The following KIAA1217 variants were observed in gnomAD, a reference collection of about 807,000 sequenced individuals.
KIAA1217 encodes the protein KIAA1217, also known as sickle tail protein homolog.
In KIAA1217, 88 loss-of-function variants were observed where a neutral mutation model predicts 163.9. That is an observed-to-expected ratio of 0.54 (90% CI 0.45 to 0.64). The LOEUF is 0.64. KIAA1217 is among the 30% of genes least tolerant of loss of function. The probability of loss-of-function intolerance (pLI) is 0.00; values close to 1 mark genes in which losing one functional copy is unlikely to be tolerated. For synonymous variants in KIAA1217, 903 were observed against 923.1 expected (o/e 0.98, Z 0.39); for missense variants, 2,372 against 2,475.0 (o/e 0.96, Z 0.88).
At chr10:24,432,660 G>A (rs2059697518) in intron 3 of KIAA1217, among the ~76,000 whole-genome samples, 1 of 151,606 alleles carries the variant, frequency 6.6e-6, no homozygotes, top group African/African-American at 2.4e-5. Flanking sequence ...TTGCTACATT[G>A]CCCAGGTGGG....
intron 2 of KIAA1217, among the ~76,000 whole-genome samples, chr10:24,076,547 G>A (rs2061373165): frequency 6.6e-6 from 1 of 152,050 alleles, no homozygotes. Flanking sequence ...CCACTTCCAT[G>A]TGCACAGATT....
chr10:23,752,336 G>T (rs1379393434), intron 1 of KIAA1217, among the ~76,000 whole-genome samples: 1 of 152,062 alleles, frequency 6.6e-6, no homozygotes, highest in African/African-American at 2.4e-5. Context: ...TGACTCCTTA[G>T]ATATGGGCTT....
rs565309531 is a variant in KIAA1217 at position 24,452,281 on chromosome 10, A to T, written c.846+13802A>T. On this transcript the variant is annotated intron_variant, in intron 5 of 20. Transcript: ENST00000376454. Reference sequence around the variant, plus strand: ...TGCAGACTTGTAATTGAGAAGACAAACCTGACCTGCACCACCGGTGCTCCC... The same window carrying T: ...TGCAGACTTGTAATTGAGAAGACAATCCTGACCTGCACCACCGGTGCTCCC... Among the ~76,000 whole-genome samples, 4 of 152,154 alleles carry T rather than the reference A, an allele frequency of 2.6e-5. No individual in the cohort carries two copies. In the East Asian group the frequency reaches 5.8e-4, roughly 22 times the overall value.
chr10:24,202,118 T>C (rs1340297416), intron 2 of KIAA1217, among the ~76,000 whole-genome samples: 1 of 152,246 alleles, frequency 6.6e-6, no homozygotes, highest in Non-Finnish European at 1.5e-5. Context: ...GCACTGCGCC[T>C]TTCATTCTGT....
chr10:24,018,593 A>T (rs182493628), intron 2 of KIAA1217, among the ~76,000 whole-genome samples: 1 of 151,632 alleles, frequency 6.6e-6, no homozygotes, highest in Non-Finnish European at 1.5e-5. Flanking sequence ...ATAAATAAAT[A>T]AAATTAAAAA....
At chr10:23,707,820 A>G (rs1222947935) in intron 1 of KIAA1217, among the ~76,000 whole-genome samples, 1 of 152,188 alleles carries the variant, frequency 6.6e-6, no homozygotes, top group Non-Finnish European at 1.5e-5. Context: ...TCAAGAAGGA[A>G]ATGTCATTCA....
chr10:23,726,688 A>C (rs1382474220), intron 1 of KIAA1217, among the ~76,000 whole-genome samples: 3 of 151,488 alleles, frequency 2.0e-5, no homozygotes, highest in East Asian at 1.9e-4. Context: ...ATCTACAAAG[A>C]ACTCAAATTT....
intron 1 of KIAA1217, among the ~76,000 whole-genome samples, chr10:23,883,741 C>G (rs1003521033): frequency 6.6e-6 from 1 of 151,858 alleles, no homozygotes; most frequent in Non-Finnish European, 1.5e-5. Flanking sequence ...TACAGAATAG[C>G]CTCGCTACCC....
chr10:23,965,618 G>T (rs528049137), intron 1 of KIAA1217, among the ~76,000 whole-genome samples: 4 of 152,310 alleles, frequency 2.6e-5, no homozygotes, highest in South Asian at 2.1e-4. Context: ...CCATCTCAAG[G>T]TGCTTATCTT....
At chr10:24,527,524 G>A (rs1430229672) in intron 13 of KIAA1217, among the ~76,000 whole-genome samples, 1 of 151,158 alleles carries the variant, frequency 6.6e-6, no homozygotes, top group Non-Finnish European at 1.5e-5. Flanking sequence ...TTAGCCATGT[G>A]TGGTGGCTGA....
At chr10:24,478,761 A>G (rs1437459718) in intron 6 of KIAA1217, among the ~76,000 whole-genome samples, 1 of 152,208 alleles carries the variant, frequency 6.6e-6, no homozygotes, top group East Asian at 1.9e-4. Flanking sequence ...ATTTCTATTC[A>G]TGGCACATAA....
intron 5 of KIAA1217, among the ~76,000 whole-genome samples, chr10:24,452,916 C>G (rs1018821346): frequency 9.2e-5 from 14 of 151,960 alleles, no homozygotes; most frequent in African/African-American, 3.4e-4. Flanking sequence ...AATATATACA[C>G]CTACTCTGTT....
chr10:24,170,235 G>A (rs565991376), intron 2 of KIAA1217, among the ~76,000 whole-genome samples: 51 of 152,294 alleles, frequency 3.3e-4, no homozygotes, highest in East Asian at 1.5e-3. Flanking sequence ...GCTTTTTGCC[G>A]GGTGGTAAGT....
At chr10:24,319,050 G>T (rs958444405) in intron 2 of KIAA1217, among the ~76,000 whole-genome samples, 5 of 152,132 alleles carry the variant, frequency 3.3e-5, no homozygotes, top group Non-Finnish European at 5.9e-5. Context: ...GCAGAGAAGA[G>T]CTTCACAGAG....
intron 2 of KIAA1217, chr10:24,275,601 A>G: frequency 2.2e-6 from 1 of 457,494 alleles, no homozygotes. Flanking sequence ...AGAATCTGCT[A>G]GTAATGAGGA....
chr10:24,140,191 C>G (rs910884673), intron 2 of KIAA1217, among the ~76,000 whole-genome samples: 8 of 151,656 alleles, frequency 5.3e-5, no homozygotes, highest in African/African-American at 1.7e-4. Context: ...AACCCCGTCT[C>G]TACTAAAAAT....
chr10:23,785,602 C>T (rs942519509), intron 1 of KIAA1217, among the ~76,000 whole-genome samples: 1 of 152,126 alleles, frequency 6.6e-6, no homozygotes, highest in Non-Finnish European at 1.5e-5. Context: ...TTTAACTCCC[C>T]TCTGCCACTT....
chr10:23,772,261 A>G (rs1834832256), intron 1 of KIAA1217, among the ~76,000 whole-genome samples: 1 of 152,202 alleles, frequency 6.6e-6, no homozygotes, highest in Non-Finnish European at 1.5e-5. Context: ...TTAGTACAAC[A>G]TGAATTATAA....
intron 3 of KIAA1217, among the ~76,000 whole-genome samples, chr10:24,425,641 T>C (rs1449109989): frequency 1.3e-5 from 2 of 152,230 alleles, no homozygotes; most frequent in Non-Finnish European, 2.9e-5. Context: ...ACTTATTAAA[T>C]CAATCCCCTA....
Sources: gnomAD v4.1 joint callset for allele counts (sites outside exome capture counted in the v4.1 genomes callset) on GRCh38, gnomAD v4.1.1 for gene constraint, MANE v1.5 for transcripts, NCBI Gene and HGNC (gene_info 2026-07-23, HGNC 2026-07-21) for gene names.